The following AGAP1 variants were observed in gnomAD, a reference collection of about 807,000 sequenced individuals.
The protein encoded by AGAP1 is ArfGAP with GTPase domain, ankyrin repeat and PH domain 1.
Under a neutral mutation model 105.3 loss-of-function variants are expected in AGAP1, and 29 were observed. The observed-to-expected ratio is 0.28, with a 90% CI of 0.21 to 0.38. AGAP1 has a LOEUF of 0.38. Ranked by LOEUF, AGAP1 falls within the 10% of genes least tolerant of loss-of-function variation. The pLI is 1.00. For synonymous variants in AGAP1, 509 were observed against 485.9 expected (o/e 1.05, Z -0.63); for missense variants, 998 against 1,165.1 (o/e 0.86, Z 2.09).
chr2:235,603,246 A>G (rs1461314195), intron 1 of AGAP1, among the ~76,000 whole-genome samples: 1 of 152,116 alleles, frequency 6.6e-6, no homozygotes, highest in East Asian at 1.9e-4. Context: ...GCCATGTAAG[A>G]TGTGCCTTTC....
chr2:236,059,952 A>G (rs1171673589), intron 16 of AGAP1, among the ~76,000 whole-genome samples: 2 of 152,182 alleles, frequency 1.3e-5, no homozygotes, highest in Non-Finnish European at 2.9e-5. Flanking sequence ...TTAGCTGGGC[A>G]TGGTGGCATG....
chr2:235,918,244 G>GGT (rs1278554117), intron 11 of AGAP1, among the ~76,000 whole-genome samples: 6 of 152,128 alleles, frequency 3.9e-5, no homozygotes, highest in Non-Finnish European at 7.3e-5. Context: ...CTAGCACCTT[G>GGT]GTAGACCATT....
chr2:235,604,074 A>T (rs1945832600), intron 1 of AGAP1, among the ~76,000 whole-genome samples: 2 of 149,250 alleles, frequency 1.3e-5, no homozygotes. Flanking sequence ...TTATTTGCTC[A>T]TTTTTTTTTT....
At position 236,040,725 on chromosome 2, in the gene AGAP1, G is replaced by A. The variant is rs763307029; in HGVS notation, c.1801-26G>A. The A allele has an allele frequency of 6.2e-7, 1 of 1,611,966 alleles. No homozygotes were observed. Among genetic ancestry groups the A allele is most frequent in the Admixed American group, 1.7e-5 (1 of 60,014 alleles). ...GTTTCTCCCGGGGTGCTTACGCCTT[G>A]TATTTGTGTCTTCCTCCGTGCCCAG... On this transcript the variant is annotated intron_variant, in intron 14 of 17. Coordinates refer to ENST00000304032, the MANE Select transcript of AGAP1 (RefSeq NM_001037131.3). This position sits in a 1 kb window ranked among gnomAD's most constrained non-coding sequence, Gnocchi z 5.6.
intron 6 of AGAP1, among the ~76,000 whole-genome samples, chr2:235,775,490 A>G (rs1434529750): frequency 1.3e-5 from 2 of 152,148 alleles, no homozygotes; most frequent in Admixed American, 6.5e-5. Flanking sequence ...TTCTGAACCT[A>G]TTTCTTAAAG....
intron 16 of AGAP1, among the ~76,000 whole-genome samples, chr2:236,065,202 G>C (rs562458480): frequency 1.3e-4 from 20 of 152,308 alleles, no homozygotes. Context: ...CTCTGTTCCT[G>C]ACGTTCCCAC....
chr2:235,914,348 T>A (rs904389883), intron 11 of AGAP1, among the ~76,000 whole-genome samples: 4 of 151,986 alleles, frequency 2.6e-5, no homozygotes, highest in Admixed American at 2.6e-4. Flanking sequence ...ATGCTCTGGA[T>A]ATTGGGGTGG....
At position 235,725,106 on chromosome 2, in the gene AGAP1, C is replaced by T. The variant is rs1951581454; in HGVS notation, c.310+7462C>T. 2.0e-5 allele frequency among the ~76,000 whole-genome samples: 3 copies of T among 152,248 alleles called. No individual in the cohort carries two copies. The highest frequency in any genetic ancestry group is 4.4e-5 in the Non-Finnish European group (3 of 68,024). On this transcript the variant is annotated intron_variant, in intron 3 of 17. Coordinates refer to ENST00000304032, the MANE Select transcript of AGAP1 (RefSeq NM_001037131.3). The surrounding 1 kb of genome is among the most constrained non-coding windows in gnomAD (Gnocchi z 5.7). Reference sequence around the variant, plus strand: ...TCTGTTGCTTGTTCCAAGCTGCTGACGCGGTGTGCTGGATGAGAGTTCTAC... The same window carrying T: ...TCTGTTGCTTGTTCCAAGCTGCTGATGCGGTGTGCTGGATGAGAGTTCTAC...
intron 16 of AGAP1, among the ~76,000 whole-genome samples, chr2:236,117,067 G>A (rs1268064729): frequency 6.6e-6 from 1 of 152,180 alleles, no homozygotes; most frequent in Non-Finnish European, 1.5e-5. Flanking sequence ...ATAAACGTGT[G>A]TGTAAGTATC....
chr2:235,959,647 C>G lies in AGAP1; in HGVS notation c.1484-8815C>G, dbSNP rs1365442155. Among the ~76,000 whole-genome samples, 1 of 152,054 alleles carries G rather than the reference C, an allele frequency of 6.6e-6. No individual in the cohort carries two copies. The highest frequency in any genetic ancestry group is 6.5e-5 in the Admixed American group (1 of 15,274). ...CGACTTCTGTCTCCTGCCACGGCCC[C>G]CCTCAATTCACATCCTAATTCACCC... On this transcript the variant is annotated intron_variant, in intron 12 of 17. Coordinates refer to ENST00000304032, the MANE Select transcript of AGAP1 (RefSeq NM_001037131.3). This position sits in a 1 kb window ranked among gnomAD's most constrained non-coding sequence, Gnocchi z 7.3.
At chr2:235,928,642 G>A (rs1189416612) in intron 11 of AGAP1, among the ~76,000 whole-genome samples, 1 of 152,190 alleles carries the variant, frequency 6.6e-6, no homozygotes, top group Non-Finnish European at 1.5e-5. Flanking sequence ...GAACATGGTG[G>A]GCACGGGCTC....
At chr2:235,762,940 C>T (rs1451998170) in intron 6 of AGAP1, among the ~76,000 whole-genome samples, 4 of 151,908 alleles carry the variant, frequency 2.6e-5, no homozygotes, top group Non-Finnish European at 5.9e-5. Context: ...TGAAATTTGC[C>T]AAAGAGAAGA....
chr2:236,013,921 C>A (rs532855516), intron 13 of AGAP1, among the ~76,000 whole-genome samples: 2 of 152,152 alleles, frequency 1.3e-5, no homozygotes, highest in African/African-American at 2.4e-5. Flanking sequence ...GTCTTCCCTG[C>A]CACAGATGTC....
In AGAP1 at chr2:235,574,842, G is replaced by T. The variant is rs928698712; in HGVS notation, c.163+79993G>T. Among the ~76,000 whole-genome samples the T allele has an allele frequency of 6.6e-6, 1 of 152,172 alleles. No individual in the cohort carries two copies. The highest frequency in any genetic ancestry group is 2.4e-5 in the African/African-American group (1 of 41,444). On this transcript the variant is annotated intron_variant, in intron 1 of 17. Transcript: ENST00000304032. This position sits in a 1 kb window ranked among gnomAD's most constrained non-coding sequence, Gnocchi z 5.0. ...GGTTTAGAATCTAAACTTTGTTGAG[G>T]CTGGGCGCAGTGGAGCACGCGTGTA...
intron 6 of AGAP1, chr2:235,783,373 C>T (rs769636895): frequency 1.5e-5 from 7 of 471,238 alleles, no homozygotes; most frequent in African/African-American, 6.0e-5. Flanking sequence ...GTTCCTTGCT[C>T]ATCCTTGGCC....
intron 6 of AGAP1, among the ~76,000 whole-genome samples, chr2:235,794,550 C>G (rs1052876188): frequency 2.0e-5 from 3 of 152,144 alleles, no homozygotes; most frequent in Non-Finnish European, 1.5e-5. Context: ...TGGCTCACTG[C>G]GACCTCTGCC....
Position 236,104,663 on chromosome 2 carries a change from G to T in AGAP1, c.2115-15529G>T, listed in dbSNP as rs956796974. Among the ~76,000 whole-genome samples, 1 of 152,174 alleles carries T rather than the reference G, an allele frequency of 6.6e-6. No individual in the cohort carries two copies. The highest frequency in any genetic ancestry group is 2.4e-5 in the African/African-American group (1 of 41,452). On this transcript the variant is annotated intron_variant, in intron 16 of 17. Coordinates refer to ENST00000304032, the MANE Select transcript of AGAP1 (RefSeq NM_001037131.3). This position sits in a 1 kb window ranked among gnomAD's most constrained non-coding sequence, Gnocchi z 4.7. ...GCCAGCACTTTGGGAGGCCAAGGTG[G>T]GTGGATCACAAGGGCAGGAGGTCAA...
rs1436530669 is a variant in AGAP1, at chr2:235,553,931, G to A, written c.163+59082G>A. 1.3e-5 allele frequency among the ~76,000 whole-genome samples: 2 copies of A among 152,230 alleles called. No homozygotes were observed. Among genetic ancestry groups the A allele is most frequent in the Non-Finnish European group, 2.9e-5 (2 of 68,044 alleles). ...CACCCCACCCCGTGGTGCGGCGTGT[G>A]CCAAGACCAGCCCTCTGAGGTCAGC... On this transcript the variant is annotated intron_variant, in intron 1 of 17. Transcript: ENST00000304032. The surrounding 1 kb of genome is among the most constrained non-coding windows in gnomAD (Gnocchi z 4.5).
rs1356979069 is a variant in AGAP1, at chr2:235,970,520, C to T, written c.1645+1897C>T. Reference sequence around the variant, plus strand: ...TAAGGTGCACACACAGGGGCGGGCGCCAGATTCCCTTTAAGGACAGGCCTT... The same window carrying T: ...TAAGGTGCACACACAGGGGCGGGCGTCAGATTCCCTTTAAGGACAGGCCTT... On this transcript the variant is annotated intron_variant, in intron 13 of 17. Coordinates refer to ENST00000304032, the MANE Select transcript of AGAP1 (RefSeq NM_001037131.3). The surrounding 1 kb of genome is among the most constrained non-coding windows in gnomAD (Gnocchi z 5.4). Among the ~76,000 whole-genome samples, 1 of 152,170 alleles carries T rather than the reference C, an allele frequency of 6.6e-6. No individual in the cohort carries two copies. The highest frequency in any genetic ancestry group is 1.5e-5 in the Non-Finnish European group (1 of 68,032).
Sources: allele counts gnomAD v4.1 joint callset (sites outside exome capture counted in the v4.1 genomes callset), GRCh38; gene constraint gnomAD v4.1.1; non-coding constraint Gnocchi (gnomAD v3.1); transcripts MANE v1.5; gene names NCBI Gene and HGNC (gene_info 2026-07-23, HGNC 2026-07-21).